CCDC171: variants seen among roughly 807,000 people sequenced by gnomAD.
CCDC171 encodes coiled-coil domain containing 171, also known as coiled-coil domain-containing protein 171.
In CCDC171, 177 loss-of-function variants were observed where a neutral mutation model predicts 168.2. That is an observed-to-expected ratio of 1.05 (90% CI 0.93 to 1.19). CCDC171 has a LOEUF of 1.19. Ranked by LOEUF, CCDC171 falls within the 50% of genes most tolerant of loss-of-function variation. The pLI is 0.00. For missense variants in CCDC171, 1,991 were observed against 1,539.0 expected (o/e 1.29, Z -4.91); for synonymous variants, 687 against 540.8 (o/e 1.27, Z -3.75).
chr9:15,603,068 A>G (rs4741515), intron 6 of CCDC171, among the ~76,000 whole-genome samples: 73,359 of 151,012 alleles, frequency 0.49, 18,108 homozygotes, highest in East Asian at 0.77. Context: ...TGCAACCTCC[A>G]CCTCCTGGGT....
intron 7 of CCDC171, among the ~76,000 whole-genome samples, chr9:15,632,753 G>A (rs566918475): frequency 2.8e-4 from 43 of 152,262 alleles, no homozygotes; most frequent in African/African-American, 9.1e-4. Flanking sequence ...GAGACATCAT[G>A]CTACCTGACT....
intron 8 of CCDC171, among the ~76,000 whole-genome samples, chr9:15,659,861 C>T (rs1680224910): frequency 6.6e-6 from 1 of 152,170 alleles, no homozygotes; most frequent in African/African-American, 2.4e-5. Context: ...ACCCAACCTC[C>T]TATCACCACT....
chr9:15,779,178 T>C, intron 20 of CCDC171, 28 bp downstream of exon 20: 1 of 1,315,972 alleles, frequency 7.6e-7, no homozygotes, highest in Non-Finnish European at 1.0e-6. Context: ...AGGAAACTGT[T>C]GCTTTGCTGA....
At chr9:15,726,776 C>A (rs917009262) in intron 14 of CCDC171, among the ~76,000 whole-genome samples, 4 of 151,824 alleles carry the variant, frequency 2.6e-5, no homozygotes, top group Non-Finnish European at 4.4e-5. Flanking sequence ...CTAAATTTTT[C>A]TTTTTAAGTT....
chr9:16,041,273 C>G (rs949427081), upstream of CCDC171, among the ~76,000 whole-genome samples: 3 of 152,088 alleles, frequency 2.0e-5, no homozygotes, highest in Non-Finnish European at 4.4e-5. Context: ...ATTTGGCCAA[C>G]TAGGTCAGTG....
At chr9:16,027,323 A>G (rs1369751784) in intron 6 of CCDC171, among the ~76,000 whole-genome samples, 3 of 152,132 alleles carry the variant, frequency 2.0e-5, no homozygotes, top group Non-Finnish European at 4.4e-5. Flanking sequence ...AGAGAGAGAA[A>G]GAGACTGACT....
chr9:15,747,479 A>T (rs533162765), intron 18 of CCDC171, among the ~76,000 whole-genome samples: 1 of 152,184 alleles, frequency 6.6e-6, no homozygotes, highest in African/African-American at 2.4e-5. Context: ...GTAGGGGCCA[A>T]CAGACACCTC....
intron 24 of CCDC171, among the ~76,000 whole-genome samples, chr9:15,907,528 A>AATGTTAGAT (rs1822874609): frequency 6.6e-6 from 1 of 152,222 alleles, no homozygotes; most frequent in Admixed American, 6.5e-5. Context: ...TAAAGACTTA[A>AATGTTAGAT]ATGTTAGATT....
chr9:15,766,038 T>C (rs1448396637), intron 18 of CCDC171, among the ~76,000 whole-genome samples: 1 of 152,162 alleles, frequency 6.6e-6, no homozygotes, highest in East Asian at 1.9e-4. Flanking sequence ...AAATAATGTT[T>C]CCCTTGGGGA....
At chr9:15,830,543 AG>A in intron 21 of CCDC171, among the ~76,000 whole-genome samples, 1 of 152,218 alleles carries the variant, frequency 6.6e-6, no homozygotes, top group Non-Finnish European at 1.5e-5. Context: ...AATAATAGGA[AG>A]TTCAGACATT....
chr9:16,102,504 TG>T, the CCDC171 span, among the ~76,000 whole-genome samples: 1 of 20,338 alleles, frequency 4.9e-5, no homozygotes, highest in African/African-American at 1.8e-4. Flanking sequence ...GGGGCGGGGG[TG>T]GGGGCAGGGG....
intron 18 of CCDC171, among the ~76,000 whole-genome samples, chr9:15,751,219 C>T (rs546846666): frequency 6.6e-6 from 1 of 152,150 alleles, no homozygotes; most frequent in Non-Finnish European, 1.5e-5. Flanking sequence ...ATCCAACTTA[C>T]AAGGGATGTG....
intron 21 of CCDC171, among the ~76,000 whole-genome samples, chr9:15,829,901 C>G (rs2060160581): frequency 6.6e-6 from 1 of 152,166 alleles, no homozygotes; most frequent in Non-Finnish European, 1.5e-5. Context: ...GCCTGGACAA[C>G]AGAGTGAGAC....
chr9:15,687,239 T>C (rs1211724034), intron 10 of CCDC171, among the ~76,000 whole-genome samples: 1 of 152,114 alleles, frequency 6.6e-6, no homozygotes, highest in Non-Finnish European at 1.5e-5. Flanking sequence ...TACCAAACTT[T>C]GTGGGATGCA....
At chr9:15,739,947 C>T (rs1348456326) in intron 16 of CCDC171, among the ~76,000 whole-genome samples, 1 of 152,018 alleles carries the variant, frequency 6.6e-6, no homozygotes, top group Non-Finnish European at 1.5e-5. Flanking sequence ...CTGTGTTAGC[C>T]AGGATGGTCT....
chr9:15,718,467 G>A, intron 11 of CCDC171, among the ~76,000 whole-genome samples: 1 of 152,210 alleles, frequency 6.6e-6, no homozygotes, highest in Non-Finnish European at 1.5e-5. Context: ...GAGCCCTAGG[G>A]CCTTGAGCAA....
chr9:15,730,948 A>G (rs2054115101), intron 16 of CCDC171, among the ~76,000 whole-genome samples: 1 of 152,078 alleles, frequency 6.6e-6, no homozygotes, highest in Non-Finnish European at 1.5e-5. Flanking sequence ...TTTATTTGAT[A>G]TGTAATATTT....
At chr9:15,792,556 T>G (rs1399283032) in intron 21 of CCDC171, among the ~76,000 whole-genome samples, 1 of 152,068 alleles carries the variant, frequency 6.6e-6, no homozygotes, top group African/African-American at 2.4e-5. Context: ...GGAAAAAATG[T>G]TAAGGGCAGC....
intron 1 of CCDC171, among the ~76,000 whole-genome samples, chr9:16,050,616 T>G (rs558272221): frequency 1.2e-4 from 18 of 152,348 alleles, no homozygotes; most frequent in African/African-American, 4.1e-4. Context: ...CTAATTCGTT[T>G]TATGCACTTT....
Sources: gnomAD v4.1 joint callset for allele counts (sites outside exome capture counted in the v4.1 genomes callset) on GRCh38, gnomAD v4.1.1 for gene constraint, MANE v1.5 for transcripts, NCBI Gene and HGNC (gene_info 2026-07-23, HGNC 2026-07-21) for gene names.